Variants in PTGIS observed in about 807,000 individuals in gnomAD.
PTGIS encodes the protein prostaglandin I2 synthase.
In PTGIS, 45 loss-of-function variants were observed where a neutral mutation model predicts 50.3. The ratio of observed to expected loss-of-function variants is 0.90; its 90% CI spans 0.70 to 1.15. The LOEUF is 1.15. PTGIS is among the 50% of genes most tolerant of loss of function. The pLI is 0.00. For missense variants in PTGIS, 668 were observed against 661.3 expected, an observed-to-expected ratio of 1.01 and a Z score of -0.11; for synonymous variants, 260 against 267.7, an observed-to-expected ratio of 0.97 and a Z score of 0.28.
chr20:49,531,008 C>T (rs2122864767), intron 5 of PTGIS, among the ~76,000 whole-genome samples: 1 of 152,266 alleles, frequency 6.6e-6, no homozygotes, highest in Non-Finnish European at 1.5e-5. Context: ...ATCTGCCCAA[C>T]TCGGCCTCCC....
chr20:49,563,046 G>A (rs1356231294), intron 1 of PTGIS, among the ~76,000 whole-genome samples: 2 of 152,200 alleles, frequency 1.3e-5, no homozygotes, highest in Non-Finnish European at 1.5e-5. Flanking sequence ...TTGACACAGA[G>A]TCCATCTTCT....
chr20:49,518,934 G>A (rs552408198), intron 6 of PTGIS, among the ~76,000 whole-genome samples: 1 of 152,298 alleles, frequency 6.6e-6, no homozygotes, highest in East Asian at 1.9e-4. Context: ...GGAATTTCCA[G>A]GGATGTGTGG....
At chr20:49,519,433 T>C (rs1228401706) in intron 6 of PTGIS, among the ~76,000 whole-genome samples, 1 of 152,034 alleles carries the variant, frequency 6.6e-6, no homozygotes, top group Non-Finnish European at 1.5e-5. Context: ...GCTACCATTT[T>C]TCAGCCTCTC....
intron 5 of PTGIS, among the ~76,000 whole-genome samples, chr20:49,533,536 T>C (rs1262901986): frequency 6.6e-6 from 1 of 151,976 alleles, no homozygotes; most frequent in Non-Finnish European, 1.5e-5. Context: ...AAGAATAATG[T>C]ATGCATACAG....
chr20:49,514,183 T>C (rs2122841519), intron 7 of PTGIS, 44 bp downstream of exon 7: 1 of 1,607,922 alleles, frequency 6.2e-7, no homozygotes. Context: ...GGGTCCATGA[T>C]GACGCAGTCT....
chr20:49,538,996 G>T (rs1265044601), intron 5 of PTGIS, among the ~76,000 whole-genome samples: 1 of 152,016 alleles, frequency 6.6e-6, no homozygotes, highest in East Asian at 1.9e-4. Context: ...AGTGCGTTTA[G>T]ATGTGTGTGC....
chr20:49,510,546 G>A (rs2122836057), intron 9 of PTGIS, among the ~76,000 whole-genome samples: 1 of 152,248 alleles, frequency 6.6e-6, no homozygotes, highest in South Asian at 2.1e-4. Flanking sequence ...CAGGGCAGAT[G>A]TCATAACCCC....
At chr20:49,560,443 A>C (rs1318480146) in intron 1 of PTGIS, among the ~76,000 whole-genome samples, 2 of 135,080 alleles carry the variant, frequency 1.5e-5, no homozygotes, top group Non-Finnish European at 3.2e-5. Flanking sequence ...GGGCTCAAGC[A>C]CTCCCTGTCT....
rs1312418497 is a variant in PTGIS, at chr20:49,505,694, C to T, written c.*2226G>A. 3 of 152,720 alleles carry T rather than the reference C, an allele frequency of 2.0e-5. No individual in the cohort carries two copies. The highest frequency in any genetic ancestry group is 2.9e-5 in the Non-Finnish European group (2 of 68,094). 9.5% of individuals were successfully genotyped at this position (152,720 alleles called of 1,614,324 possible). On this transcript the variant is annotated 3_prime_UTR_variant, in exon 10 of 10. Coordinates refer to ENST00000244043, the MANE Select transcript of PTGIS (RefSeq NM_000961.4). ...ACGATGAGGCAGCTGAGGGTTGCCA[C>T]GGAAACCGGCTCTGTCCTCCCACTG...
intron 1 of PTGIS, among the ~76,000 whole-genome samples, chr20:49,565,688 A>G (rs899221027): frequency 6.6e-6 from 1 of 152,170 alleles, no homozygotes; most frequent in Admixed American, 6.5e-5. Flanking sequence ...AAAAATTCTT[A>G]CAGCCCAGAG....
At position 49,507,984 on chromosome 20, in the gene PTGIS, C is replaced by A. The variant is rs1981201002; in HGVS notation, c.1439G>T (p.Arg480Met). 6.2e-7 allele frequency: 1 copy of A among 1,613,822 alleles called. No homozygotes were observed. The highest frequency in any genetic ancestry group is 1.1e-5 in the South Asian group (1 of 91,086). ...DVEIPEFDLS[R>M]YGFGLMQPEH... ...CGGCTGCATCAGACCGAAGCCGTAC[C>A]TGCTGAGGTCAAACTCAGGGATCTC... Residue 480 changes from arginine (R) to methionine (M), a missense_variant, in exon 10 of 10, where the codon AGG (arginine) becomes ATG (methionine). Physicochemically the swap from Arg to Met is moderately conservative, Grantham distance 91. Coordinates refer to ENST00000244043, the MANE Select transcript of PTGIS (RefSeq NM_000961.4).
chr20:49,520,522 C>T (rs1360384399), intron 6 of PTGIS, among the ~76,000 whole-genome samples: 2 of 152,068 alleles, frequency 1.3e-5, no homozygotes, highest in East Asian at 3.9e-4. Flanking sequence ...TTAGTAGAGT[C>T]AGGGTTTCAT....
At position 49,506,997 on chromosome 20, in the gene PTGIS, C is replaced by T. The variant is rs1222090752; in HGVS notation, c.*923G>A. 6.6e-6 allele frequency: 1 copy of T among 152,188 alleles called. No homozygotes were observed. The highest frequency in any genetic ancestry group is 1.9e-4 in the East Asian group (1 of 5,198). 9.4% of individuals were successfully genotyped at this position (152,188 alleles called of 1,614,324 possible). A position where few individuals can be genotyped will look rare whatever the true frequency, so the allele number is the denominator to read the frequency against. ...AGCTGGACATTTTGAATGAACTCTC[C>T]CAAAGATGATAACAACTAAGGCATT... On this transcript the variant is annotated 3_prime_UTR_variant, in exon 10 of 10. Coordinates refer to ENST00000244043, the MANE Select transcript of PTGIS (RefSeq NM_000961.4).
chr20:49,514,532 G>T, intron 6 of PTGIS, 137 bp from the exon 7 acceptor site: 2 of 1,082,172 alleles, frequency 1.8e-6, no homozygotes, highest in Non-Finnish European at 2.7e-6. Context: ...GGCATGACCA[G>T]TGTCTATCTC....
chr20:49,567,987 C>G, intron 1 of PTGIS, 56 bp downstream of exon 1: 1 of 1,433,676 alleles, frequency 7.0e-7, no homozygotes, highest in Non-Finnish European at 9.1e-7. Context: ...TGGGCTGCAG[C>G]CCGGGCGGGA....
At chr20:49,528,002 T>C (rs1981833454) in intron 5 of PTGIS, among the ~76,000 whole-genome samples, 1 of 151,240 alleles carries the variant, frequency 6.6e-6, no homozygotes, top group Non-Finnish European at 1.5e-5. Context: ...AAGCTGGGGG[T>C]GGTGGCAGGC....
At chr20:49,548,141 T>G in intron 2 of PTGIS, 122 bp from the exon 3 acceptor site, 8 of 917,170 alleles carry the variant, frequency 8.7e-6, no homozygotes, top group South Asian at 1.4e-5. Flanking sequence ...CTATGTTCTC[T>G]TATCTATGCC....
Position 49,568,028 on chromosome 20 carries a change from G to T in PTGIS, c.74+15C>A. ...CCCCTTTGTCTGGCGGGGCCGAGCGGAGCAGGACACTCACCGCGTGCGGCG... is the reference window on the plus strand; with the variant it reads ...CCCCTTTGTCTGGCGGGGCCGAGCGTAGCAGGACACTCACCGCGTGCGGCG... On this transcript the variant is annotated intron_variant, in intron 1 of 9. Coordinates refer to ENST00000244043, the MANE Select transcript of PTGIS (RefSeq NM_000961.4). 1 of 1,486,344 alleles carries T rather than the reference G, an allele frequency of 6.7e-7. No individual in the cohort carries two copies. Among genetic ancestry groups the T allele is most frequent in the Non-Finnish European group, 8.9e-7 (1 of 1,125,088 alleles). 92.1% of individuals were successfully genotyped at this position (1,486,344 alleles called of 1,614,324 possible).
At chr20:49,541,828 C>A (rs574683523) in intron 4 of PTGIS, among the ~76,000 whole-genome samples, 1 of 152,324 alleles carries the variant, frequency 6.6e-6, no homozygotes, top group East Asian at 1.9e-4. Context: ...GCGAAGCCGG[C>A]AGCTCCATAT....
Sources: allele counts gnomAD v4.1 joint callset (sites outside exome capture counted in the v4.1 genomes callset), GRCh38; gene constraint gnomAD v4.1.1; transcripts MANE v1.5; gene names NCBI Gene and HGNC (gene_info 2026-07-23, HGNC 2026-07-21).